DIAPH3: variants seen among roughly 807,000 people sequenced by gnomAD.
DIAPH3 encodes the protein diaphanous related formin 3.
In DIAPH3, 117 loss-of-function variants were observed where a neutral mutation model predicts 144.3. The ratio of observed to expected loss-of-function variants is 0.81; its 90% CI spans 0.70 to 0.95. The LOEUF (loss-of-function observed/expected upper bound fraction) is 0.95, where lower values mean the gene tolerates loss of function less well. Ranked by LOEUF, DIAPH3 falls within the 40% of genes least tolerant of loss-of-function variation. The probability of loss-of-function intolerance (pLI) is 0.00; values close to 1 mark genes in which losing one functional copy is unlikely to be tolerated. For synonymous variants in DIAPH3, 519 were observed against 488.9 expected (o/e 1.06, Z -0.81); for missense variants, 1,421 against 1,412.7 (o/e 1.01, Z -0.09).
chr13:60,119,619 C>T (rs1594718093), intron 2 of DIAPH3, among the ~76,000 whole-genome samples: 1 of 149,254 alleles, frequency 6.7e-6, no homozygotes, highest in South Asian at 2.1e-4. Flanking sequence ...TAGTGGCGGG[C>T]GCCTGTAGTC....
At chr13:59,773,246 G>C (rs1004405858) in intron 27 of DIAPH3, among the ~76,000 whole-genome samples, 1 of 151,856 alleles carries the variant, frequency 6.6e-6, no homozygotes, top group Non-Finnish European at 1.5e-5. Context: ...CTTTACCTTC[G>C]GCAGTAAGGA....
chr13:59,788,034 G>C (rs889567155), intron 25 of DIAPH3, among the ~76,000 whole-genome samples: 4 of 152,112 alleles, frequency 2.6e-5, no homozygotes, highest in Non-Finnish European at 5.9e-5. Context: ...TTCTTCATAA[G>C]CTACTCAGTT....
chr13:59,672,256 C>A (rs1212927529), intron 27 of DIAPH3, among the ~76,000 whole-genome samples: 2 of 152,136 alleles, frequency 1.3e-5, no homozygotes, highest in African/African-American at 2.4e-5. Context: ...TATTGATCCC[C>A]CCTCACATTG....
At chr13:59,935,059 G>A (rs1041382405) in intron 17 of DIAPH3, among the ~76,000 whole-genome samples, 3 of 152,170 alleles carry the variant, frequency 2.0e-5, no homozygotes, top group South Asian at 2.1e-4. Flanking sequence ...GCACTGCACA[G>A]GTACACTTAT....
intron 22 of DIAPH3, among the ~76,000 whole-genome samples, chr13:59,844,512 A>AG (rs2042526145): frequency 6.6e-6 from 1 of 151,566 alleles, no homozygotes; most frequent in African/African-American, 2.4e-5. Context: ...CCAAAAAAAA[A>AG]AAAAAGGAAA....
At chr13:59,757,765 A>G (rs1234321855) in intron 27 of DIAPH3, among the ~76,000 whole-genome samples, 1 of 152,186 alleles carries the variant, frequency 6.6e-6, no homozygotes, top group Non-Finnish European at 1.5e-5. Flanking sequence ...AAAAGAGTAC[A>G]TGCTACAAGG....
At chr13:59,886,502 C>T (rs1430978447) in intron 20 of DIAPH3, among the ~76,000 whole-genome samples, 3 of 152,018 alleles carry the variant, frequency 2.0e-5, no homozygotes, top group Non-Finnish European at 2.9e-5. Flanking sequence ...TATAATAAAA[C>T]CTGCTGAGAT....
At position 59,784,227 on chromosome 13, in the gene DIAPH3, T is replaced by C. The variant is rs2038907305; in HGVS notation, c.3164-9404A>G. On this transcript the variant is annotated intron_variant, in intron 25 of 27. Transcript: ENST00000400324. ...CCTCCTGAGTAGCTGGGACTACAGG[T>C]GCACGCCACCACACCAGCTAATTTT... Among the ~76,000 whole-genome samples the C allele has an allele frequency of 2.0e-5, 3 of 147,040 alleles. 1 individual carries two copies. The highest frequency in any genetic ancestry group is 4.5e-5 in the Non-Finnish European group (3 of 66,860).
chr13:60,030,548 A>T (rs972635466), intron 5 of DIAPH3, among the ~76,000 whole-genome samples: 1 of 152,138 alleles, frequency 6.6e-6, no homozygotes, highest in Non-Finnish European at 1.5e-5. Flanking sequence ...TTACTATTCA[A>T]ATCCATTTAA....
intron 5 of DIAPH3, among the ~76,000 whole-genome samples, chr13:60,016,893 G>C (rs2053687166): frequency 6.6e-6 from 1 of 152,040 alleles, no homozygotes; most frequent in Non-Finnish European, 1.5e-5. Flanking sequence ...ACAACAGCTT[G>C]CCTGGATTAC....
chr13:59,994,461 G>A (rs74518053), intron 9 of DIAPH3, among the ~76,000 whole-genome samples: 5,547 of 151,888 alleles, frequency 0.037, 133 homozygotes, highest in East Asian at 0.072. Flanking sequence ...ATCAATCAAC[G>A]CCTAGAGATA....
At chr13:59,706,007 G>C (rs2034400984) in intron 27 of DIAPH3, among the ~76,000 whole-genome samples, 1 of 151,378 alleles carries the variant, frequency 6.6e-6, no homozygotes. Context: ...GTACCCATGG[G>C]GGATTGTTCT....
At chr13:59,965,172 A>G (rs1228011185) in intron 17 of DIAPH3, among the ~76,000 whole-genome samples, 3 of 152,130 alleles carry the variant, frequency 2.0e-5, no homozygotes, top group African/African-American at 7.2e-5. Flanking sequence ...CAGAAATCTA[A>G]GCTTGATTTG....
chr13:60,143,171 A>G lies in DIAPH3; in HGVS notation c.181-10182T>C, dbSNP rs141872728. Reference sequence around the variant, plus strand: ...CACTACCGCAGTCCTCTCCCTCTCAATACCTGGCTCACCTTTCAAATGCTG... The same window carrying G: ...CACTACCGCAGTCCTCTCCCTCTCAGTACCTGGCTCACCTTTCAAATGCTG... On this transcript the variant is annotated intron_variant, in intron 1 of 27. Transcript: ENST00000400324. 3.9e-3 allele frequency among the ~76,000 whole-genome samples: 596 copies of G among 152,142 alleles called. 3 individuals carry two copies. Among genetic ancestry groups the G allele is most frequent in the African/African-American group, 0.014 (568 of 41,510 alleles).
intron 22 of DIAPH3, among the ~76,000 whole-genome samples, chr13:59,858,729 C>A (rs955723789): frequency 3.8e-4 from 58 of 151,942 alleles, no homozygotes; most frequent in African/African-American, 9.7e-4. Context: ...ATGTATTGAA[C>A]CTTAGAAGTC....
At chr13:59,749,977 T>G (rs893309625) in intron 27 of DIAPH3, among the ~76,000 whole-genome samples, 1 of 152,204 alleles carries the variant, frequency 6.6e-6, no homozygotes, top group African/African-American at 2.4e-5. Context: ...CATGGAGTTC[T>G]TTCAAGGAAA....
intron 27 of DIAPH3, among the ~76,000 whole-genome samples, chr13:59,734,554 C>T (rs942084801): frequency 2.0e-5 from 3 of 152,078 alleles, no homozygotes; most frequent in African/African-American, 4.8e-5. Context: ...TGCTACAATC[C>T]GCTTTGGCCA....
chr13:59,673,566 T>C (rs1035826292), intron 27 of DIAPH3, among the ~76,000 whole-genome samples: 7 of 152,168 alleles, frequency 4.6e-5, no homozygotes, highest in Non-Finnish European at 1.0e-4. Flanking sequence ...GGTGGGCCCC[T>C]AGATAGTTTA....
At chr13:59,791,275 C>G (rs2039311926) in intron 25 of DIAPH3, among the ~76,000 whole-genome samples, 2 of 151,994 alleles carry the variant, frequency 1.3e-5, no homozygotes, top group African/African-American at 4.8e-5. Flanking sequence ...TGGTCAAGAA[C>G]AGTTTTATTT....
Sources: allele counts gnomAD v4.1 joint callset (sites outside exome capture counted in the v4.1 genomes callset), GRCh38; gene constraint gnomAD v4.1.1; transcripts MANE v1.5; gene names NCBI Gene and HGNC (gene_info 2026-07-23, HGNC 2026-07-21).